Variants in ARHGAP8 observed in about 807,000 individuals in gnomAD.
ARHGAP8 encodes the protein Rho GTPase activating protein 8.
A neutral mutation model predicts 46.1 loss-of-function variants in ARHGAP8; 62 were observed. That is an observed-to-expected ratio of 1.34 (90% CI 1.10 to 1.66). ARHGAP8 has a LOEUF of 1.66. Ranked by LOEUF, ARHGAP8 falls within the 40% of genes most tolerant of loss-of-function variation. ARHGAP8 has a pLI of 0.00. For missense variants in ARHGAP8, 923 were observed against 568.4 expected (o/e 1.62, Z -6.34); for synonymous variants, 375 against 243.1 (o/e 1.54, Z -5.05).
At chr22:44,857,584 G>A (rs6007331) in intron 10 of ARHGAP8, among the ~76,000 whole-genome samples, 22,586 of 152,018 alleles carry the variant, frequency 0.15, 2,170 homozygotes, top group African/African-American at 0.28. Flanking sequence ...TGGGAAGTGC[G>A]ACGGACAGGG....
chr22:44,761,415 A>T (rs1460540300), intron 1 of ARHGAP8, among the ~76,000 whole-genome samples: 1 of 152,254 alleles, frequency 6.6e-6, no homozygotes, highest in East Asian at 1.9e-4. Context: ...TTCCCTAAAC[A>T]ACACAATGTA....
chr22:44,809,402 C>T (rs796972460), intron 4 of ARHGAP8: 15 of 356,018 alleles, frequency 4.2e-5, no homozygotes, highest in African/African-American at 2.8e-4. Flanking sequence ...CAGTGAATTA[C>T]TGGCAAAGAA....
chr22:44,828,509 G>T (rs922023841), intron 7 of ARHGAP8, among the ~76,000 whole-genome samples: 1 of 150,858 alleles, frequency 6.6e-6, no homozygotes, highest in Non-Finnish European at 1.5e-5. Flanking sequence ...GAGTGCAGTG[G>T]CAGGATCTCG....
At chr22:44,858,455 T>G (rs1040190428) in intron 10 of ARHGAP8, among the ~76,000 whole-genome samples, 2 of 118,640 alleles carry the variant, frequency 1.7e-5, no homozygotes, top group African/African-American at 6.8e-5. Flanking sequence ...GCAGCCTCTG[T>G]CTTCTGAGTT....
At chr22:44,821,172 C>G (rs987537192) in intron 5 of ARHGAP8, among the ~76,000 whole-genome samples, 41 of 152,308 alleles carry the variant, frequency 2.7e-4, no homozygotes, top group Admixed American at 7.2e-4. Context: ...TGGCTCATGC[C>G]TGTAATCCCA....
rs751956269 is a variant in ARHGAP8, at chr22:44,862,613, A to AGCACTC, written c.*18_*19insGCACTC. The AGCACTC allele has an allele frequency of 9.6e-7, 1 of 1,044,906 alleles. No homozygotes were observed. Among genetic ancestry groups the AGCACTC allele is most frequent in the Admixed American group, 3.9e-5 (1 of 25,762 alleles). 64.7% of individuals were successfully genotyped at this position (1,044,906 alleles called of 1,614,324 possible). On this transcript the variant is annotated 3_prime_UTR_variant, in exon 12 of 12. Coordinates refer to ENST00000356099, the MANE Select transcript of ARHGAP8 (RefSeq NM_181335.3). ...GTCTCTAGTGTTGCGAACACTCTGT[A>AGCACTC]TATTTCGAGCTACCTCCCACACCTG...
chr22:44,846,307 A>G (rs1191445809), intron 8 of ARHGAP8, among the ~76,000 whole-genome samples: 1 of 152,072 alleles, frequency 6.6e-6, no homozygotes, highest in Non-Finnish European at 1.5e-5. Context: ...TCCTCTTTGG[A>G]GCAGGCCAGG....
rs139407323 is a variant in ARHGAP8, at chr22:44,841,591, T to C, written c.597-3678T>C. ...GTGCACACCAGTCAGCTTTTGCTAA[T>C]TATGCTGCATAACAGTCTCACTGGG... is the stretch of plus-strand genomic sequence containing the variant. On this transcript the variant is annotated intron_variant, in intron 7 of 11. Transcript: ENST00000356099. 3.6e-3 allele frequency among the ~76,000 whole-genome samples: 543 copies of C among 152,328 alleles called. 3 individuals carry two copies. The highest frequency in any genetic ancestry group is 0.013 in the African/African-American group (528 of 41,578).
At chr22:44,780,203 A>C (rs1413422677) in intron 1 of ARHGAP8, among the ~76,000 whole-genome samples, 2 of 152,144 alleles carry the variant, frequency 1.3e-5, no homozygotes, top group African/African-American at 2.4e-5. Flanking sequence ...ATAAAAATAC[A>C]CTCAGTGGGC....
chr22:44,774,106 TG>T, intron 1 of ARHGAP8, among the ~76,000 whole-genome samples: 1 of 152,338 alleles, frequency 6.6e-6, no homozygotes, highest in Non-Finnish European at 1.5e-5. Context: ...CCAGGTAGTC[TG>T]GCTGCAGGAT....
At position 44,814,650 on chromosome 22, in the gene ARHGAP8, C is replaced by T. The variant is rs367838427; in HGVS notation, c.300-22C>T. 51 of 1,608,834 alleles carry T rather than the reference C, an allele frequency of 3.2e-5. No individual in the cohort carries two copies. In the East Asian group the frequency reaches 4.7e-4, roughly 15 times the overall value. ...TTCTCGGAGCGCGGCAGCCTGAAGTCATCCCCCGTTTCCCTCCTCAGGTAC... is the reference window on the plus strand; with the variant it reads ...TTCTCGGAGCGCGGCAGCCTGAAGTTATCCCCCGTTTCCCTCCTCAGGTAC... On this transcript the variant is annotated intron_variant, in intron 4 of 11. Coordinates refer to ENST00000356099, the MANE Select transcript of ARHGAP8 (RefSeq NM_181335.3).
At chr22:44,779,989 G>GA (rs1796770222) in intron 1 of ARHGAP8, among the ~76,000 whole-genome samples, 1 of 152,118 alleles carries the variant, frequency 6.6e-6, no homozygotes, top group African/African-American at 2.4e-5. Flanking sequence ...GTGTCAGAGG[G>GA]AGGGACCCCC....
rs531750268 is a variant in ARHGAP8, at chr22:44,862,298, C to G, written c.1005C>G (p.Asn335Lys). Residue 335 changes from asparagine to lysine, a missense_variant, in exon 12 of 12, where the codon AAC (asparagine) becomes AAG (lysine). Physicochemically the swap from Asn to Lys is moderately conservative, Grantham distance 94. Transcript: ENST00000356099. ...LHAVSRESIF[N>K]KMNSSNLACV... ...AGGTGTCCCGGGAGAGCATCTTCAA[C>G]AAAATGAACAGCTCTAACCTGGCCT... 2 of 1,597,924 alleles carry G rather than the reference C, an allele frequency of 1.3e-6. No individual in the cohort carries two copies. Among genetic ancestry groups the G allele is most frequent in the East Asian group, 4.5e-5 (2 of 44,440 alleles).
rs143397251 is a variant in ARHGAP8, at chr22:44,757,502, A to C, written c.-72+4875A>C. Among the ~76,000 whole-genome samples the C allele has an allele frequency of 9.2e-4, 140 of 151,422 alleles. 1 individual carries two copies. Among genetic ancestry groups the C allele is most frequent in the African/African-American group, 3.2e-3 (132 of 41,268 alleles). ...ATGTTGGCCATGCTGGTCTCAAACT[A>C]CTGACCTCAGGTGATCCGCCCGCCT... On this transcript the variant is annotated intron_variant, in intron 1 of 11. Transcript: ENST00000356099.
At chr22:44,755,327 A>C (rs1924582799) in intron 1 of ARHGAP8, among the ~76,000 whole-genome samples, 1 of 152,254 alleles carries the variant, frequency 6.6e-6, no homozygotes, top group African/African-American at 2.4e-5. Context: ...TGTCTGGTGT[A>C]AGATGGAGCC....
intron 1 of ARHGAP8, among the ~76,000 whole-genome samples, chr22:44,781,210 A>C (rs1926822948): frequency 6.6e-6 from 1 of 151,816 alleles, no homozygotes; most frequent in Admixed American, 6.5e-5. Flanking sequence ...TTTCACATCC[A>C]GATGCAGGAA....
intron 2 of ARHGAP8, among the ~76,000 whole-genome samples, chr22:44,790,193 C>CA (rs981366167): frequency 1.3e-5 from 2 of 151,914 alleles, no homozygotes; most frequent in African/African-American, 4.8e-5. Context: ...TCAGGGAGGC[C>CA]AGTAAGAGCA....
At chr22:44,764,055 G>A (rs1016067020) in intron 1 of ARHGAP8, among the ~76,000 whole-genome samples, 7 of 151,834 alleles carry the variant, frequency 4.6e-5, no homozygotes, top group Admixed American at 3.3e-4. Context: ...CTCATGATCC[G>A]CCCACCTCGG....
intron 5 of ARHGAP8, among the ~76,000 whole-genome samples, chr22:44,816,222 T>C (rs555629207): frequency 6.6e-6 from 1 of 152,246 alleles, no homozygotes; most frequent in South Asian, 2.1e-4. Context: ...AGACACCGTG[T>C]GAGTGGGTGT....
Sources: allele counts gnomAD v4.1 joint callset (sites outside exome capture counted in the v4.1 genomes callset), GRCh38; gene constraint gnomAD v4.1.1; transcripts MANE v1.5; gene names NCBI Gene and HGNC (gene_info 2026-07-23, HGNC 2026-07-21).